RAB18: variants seen among roughly 807,000 people sequenced by gnomAD.
The protein encoded by RAB18 is ras-related protein Rab-18.
RAB18 carries 10 observed loss-of-function variants against 28.5 expected under a neutral mutation model. The ratio of observed to expected loss-of-function variants is 0.35; its 90% CI spans 0.22 to 0.60. The LOEUF (loss-of-function observed/expected upper bound fraction) is 0.60. Ranked by LOEUF, RAB18 falls within the 20% of genes least tolerant of loss-of-function variation. The probability of loss-of-function intolerance (pLI) is 0.78; values close to 1 mark genes in which losing one functional copy is unlikely to be tolerated. For missense variants in RAB18, 188 were observed against 244.2 expected (o/e 0.77, Z 1.53); for synonymous variants, 93 against 86.9 (o/e 1.07, Z -0.39).
Position 27,540,563 on chromosome 10 carries a change from G to A in RAB18, c.*2512G>A, listed in dbSNP as rs1301678444. 4.4e-6 allele frequency: 2 copies of A among 454,094 alleles called. No individual in the cohort carries two copies. The highest frequency in any genetic ancestry group is 6.9e-5 in the East Asian group (1 of 14,402). 28.1% of individuals were successfully genotyped at this position (454,094 alleles called of 1,614,324 possible). Reference sequence around the variant, plus strand: ...GATGTAAACCTACCTCATAAGTCATGTGACATAAAAGTTAAGGTAGTGGAG... The same window carrying A: ...GATGTAAACCTACCTCATAAGTCATATGACATAAAAGTTAAGGTAGTGGAG... On this transcript the variant is annotated 3_prime_UTR_variant, in exon 7 of 7. Coordinates refer to ENST00000356940, the MANE Select transcript of RAB18 (RefSeq NM_021252.5).
chr10:27,521,668 A>G (rs1435710080), intron 2 of RAB18, among the ~76,000 whole-genome samples: 1 of 152,200 alleles, frequency 6.6e-6, no homozygotes, highest in Middle Eastern at 3.2e-3. Flanking sequence ...AGGCATAAGA[A>G]TGATACAGTG....
chr10:27,509,979 C>A, intron 2 of RAB18, 49 bp downstream of exon 2: 2 of 1,463,954 alleles, frequency 1.4e-6, no homozygotes, highest in Non-Finnish European at 1.9e-6. Flanking sequence ...ATTTTCTTGC[C>A]TTTGGCCTTT....
chr10:27,533,954 A>G lies in RAB18; in HGVS notation c.405A>G (p.Glu135=). The G allele has an allele frequency of 2.5e-6, 4 of 1,609,260 alleles. No homozygotes were observed. The highest frequency in any genetic ancestry group is 2.6e-6 in the Non-Finnish European group (3 of 1,175,702). The change falls in exon 6 of 7, where the codon GAA becomes GAG. Residue 135 remains glutamate (E), a synonymous_variant. Transcript: ENST00000356940. ...DKENREVDRN[E]GLKFARKHSM... is the part of the protein sequence containing the mutation. Reference sequence around the variant, plus strand: ...AAAATCGTGAAGTCGATAGAAATGAAGGCCTGAAATTTGCACGAAAGCATT... The same window carrying G: ...AAAATCGTGAAGTCGATAGAAATGAGGGCCTGAAATTTGCACGAAAGCATT...
intron 2 of RAB18, among the ~76,000 whole-genome samples, chr10:27,521,783 G>C (rs1834558986): frequency 6.6e-6 from 1 of 151,790 alleles, no homozygotes; most frequent in East Asian, 1.9e-4. Flanking sequence ...CAAAATCTCG[G>C]AAATTACCCT....
In RAB18 at chr10:27,504,990, A is replaced by G. The variant is rs1268860257; in HGVS notation, c.68+553A>G. On this transcript the variant is annotated intron_variant, in intron 1 of 6. Transcript: ENST00000356940. ...TACTTTTTTATTAGTCGGCTGTGAA[A>G]GAACTGGATCTTGTGACTGCTGGAA... 11 of 533,518 alleles carry G rather than the reference A, an allele frequency of 2.1e-5. No individual in the cohort carries two copies. In the Admixed American group the frequency reaches 2.1e-4, roughly 10 times the overall value. 33.0% of individuals were successfully genotyped at this position (533,518 alleles called of 1,614,324 possible).
chr10:27,532,578 AG>A lies in RAB18; in HGVS notation c.259+1del, dbSNP rs772347719. The A allele has an allele frequency of 1.3e-6, 2 of 1,587,634 alleles. No homozygotes were observed. The highest frequency in any genetic ancestry group is 2.7e-5 in the African/African-American group (2 of 74,320). On this transcript the variant is annotated frameshift_variant and splice_region_variant, in exon 4 of 7. Coordinates refer to ENST00000356940, the MANE Select transcript of RAB18 (RefSeq NM_021252.5). LOFTEE classifies it high-confidence loss of function. ...YYRGAQGVIL[V>X]YDVTRRDTFV... is the part of the protein sequence containing the mutation. ...ATAGAGGTGCACAGGGTGTTATATT[AG>A]GTAAGTGTTTACTTTAATGTACTAT...
chr10:27,529,761 A>G (rs570660697), intron 3 of RAB18, among the ~76,000 whole-genome samples: 184 of 152,066 alleles, frequency 1.2e-3, no homozygotes, highest in African/African-American at 4.1e-3. Flanking sequence ...ACAAGCAACA[A>G]TCTAACTTCT....
intron 2 of RAB18, among the ~76,000 whole-genome samples, chr10:27,518,951 G>A (rs1340586055): frequency 6.7e-6 from 1 of 149,154 alleles, no homozygotes; most frequent in African/African-American, 2.4e-5. Flanking sequence ...TGTGAGGTAT[G>A]AAGTTCTTTT....
chr10:27,530,904 A>T (rs550634644), intron 3 of RAB18, among the ~76,000 whole-genome samples: 1 of 151,980 alleles, frequency 6.6e-6, no homozygotes, highest in African/African-American at 2.4e-5. Flanking sequence ...TTAATGGACT[A>T]CAATATTGAC....
At chr10:27,524,145 G>A (rs143069802) in intron 2 of RAB18, among the ~76,000 whole-genome samples, 3 of 152,280 alleles carry the variant, frequency 2.0e-5, no homozygotes, top group African/African-American at 7.2e-5. Flanking sequence ...GCTGGGGCTG[G>A]TCTTAAACTC....
At chr10:27,505,404 T>G (rs1837797630) in intron 1 of RAB18, among the ~76,000 whole-genome samples, 1 of 152,172 alleles carries the variant, frequency 6.6e-6, no homozygotes, top group African/African-American at 2.4e-5. Flanking sequence ...TTCAAATAAT[T>G]TTTTGTATTT....
intron 3 of RAB18, chr10:27,531,435 T>C: frequency 1.4e-6 from 2 of 1,440,278 alleles, no homozygotes; most frequent in Admixed American, 5.4e-5. Context: ...CTGGGGGAGC[T>C]TCTGCTTGTC....
intron 2 of RAB18, chr10:27,510,519 A>G (rs899909342): frequency 6.3e-6 from 1 of 158,736 alleles, no homozygotes; most frequent in African/African-American, 2.4e-5. Flanking sequence ...ATATGAGAAG[A>G]TAGAGGTAAG....
In RAB18 at chr10:27,529,678, C is replaced by A. The variant is rs1028812584; in HGVS notation, c.186+2789C>A. 4.6e-5 allele frequency among the ~76,000 whole-genome samples: 7 copies of A among 152,028 alleles called. No homozygotes were observed. The East Asian group carries it at 1.3e-3, about 29-fold the overall frequency. On this transcript the variant is annotated intron_variant, in intron 3 of 6. Coordinates refer to ENST00000356940, the MANE Select transcript of RAB18 (RefSeq NM_021252.5). Reference sequence around the variant, plus strand: ...AGAAAATAAAACTACAGGATAGAGACAAAAAGCTGTGCTTCATTTATCTTA... The same window carrying A: ...AGAAAATAAAACTACAGGATAGAGAAAAAAAGCTGTGCTTCATTTATCTTA...
At chr10:27,532,353 A>G (rs1368798137) in intron 3 of RAB18, among the ~76,000 whole-genome samples, 154 bp from the exon 4 acceptor site, 3 of 152,096 alleles carry the variant, frequency 2.0e-5, no homozygotes, top group African/African-American at 7.2e-5. Flanking sequence ...GACACTTGTC[A>G]GTAAGCGAAC....
At chr10:27,506,769 T>G (rs1837849384) in intron 1 of RAB18, among the ~76,000 whole-genome samples, 1 of 152,150 alleles carries the variant, frequency 6.6e-6, no homozygotes, top group Non-Finnish European at 1.5e-5. Context: ...AGGTTCTCCT[T>G]GTAGAGTAAG....
chr10:27,504,475 G>T, intron 1 of RAB18, 38 bp downstream of exon 1: 1 of 1,549,356 alleles, frequency 6.5e-7, no homozygotes, highest in Non-Finnish European at 8.7e-7. Context: ...GGGTGGCTGG[G>T]CTCTTTCTGC....
chr10:27,535,834 C>T (rs1232612843), intron 6 of RAB18, among the ~76,000 whole-genome samples: 3 of 152,174 alleles, frequency 2.0e-5, no homozygotes, highest in Admixed American at 2.0e-4. Flanking sequence ...CGCCTGTAAT[C>T]TCAGCACTTT....
intron 3 of RAB18, chr10:27,527,164 C>A: frequency 2.0e-6 from 1 of 503,338 alleles, no homozygotes; most frequent in South Asian, 1.6e-5. Context: ...CAAAGAGAAT[C>A]ATAATTGGAT....
Sources: allele counts gnomAD v4.1 joint callset (sites outside exome capture counted in the v4.1 genomes callset), GRCh38; gene constraint gnomAD v4.1.1; transcripts MANE v1.5; gene names NCBI Gene and HGNC (gene_info 2026-07-23, HGNC 2026-07-21).